Variants in EHMT1 observed in about 807,000 individuals in gnomAD.
The protein encoded by EHMT1 is euchromatic histone lysine methyltransferase 1, also known as histone-lysine N-methyltransferase EHMT1.
Under a neutral mutation model 147.2 loss-of-function variants are expected in EHMT1, and 15 were observed. The observed-to-expected ratio is 0.10, with a 90% CI of 0.07 to 0.16. The LOEUF is 0.16. Among genes scored for constraint, EHMT1 ranks in the 10% least tolerant of loss-of-function variants. EHMT1 has a pLI of 1.00. For synonymous variants in EHMT1, 795 were observed against 709.6 expected, an observed-to-expected ratio of 1.12 and a Z score of -1.91; for missense variants, 1,587 against 1,772.4, an observed-to-expected ratio of 0.90 and a Z score of 1.88.
chr9:137,626,175 A>G (rs1843243075), intron 1 of EHMT1, among the ~76,000 whole-genome samples: 1 of 151,198 alleles, frequency 6.6e-6, no homozygotes, highest in African/African-American at 2.4e-5. Flanking sequence ...CCCAGTTGTT[A>G]TATTTTTATA....
chr9:137,629,971 T>C (rs1589040137), intron 1 of EHMT1, among the ~76,000 whole-genome samples: 2 of 152,206 alleles, frequency 1.3e-5, no homozygotes, highest in African/African-American at 4.8e-5. Flanking sequence ...AAAAAAAATC[T>C]GATGATTTTG....
chr9:137,738,550 C>T (rs1359250844), intron 4 of EHMT1: 2 of 152,158 alleles, frequency 1.3e-5, no homozygotes, highest in African/African-American at 4.8e-5. Flanking sequence ...GCACGTGCCC[C>T]AGCAGCACTG....
chr9:137,706,003 C>G (rs1027597075), intron 1 of EHMT1, among the ~76,000 whole-genome samples: 1 of 144,044 alleles, frequency 6.9e-6, no homozygotes, highest in African/African-American at 2.6e-5. Context: ...TGGAGTGGAC[C>G]TGGACCCTTC....
rs530855365 is a variant in EHMT1 at position 137,815,702 on chromosome 9, C to T, written c.3259-245C>T. 78 of 527,250 alleles carry T rather than the reference C, an allele frequency of 1.5e-4. 1 individual carries two copies. The South Asian group carries it at 1.6e-3, about 11-fold the overall frequency. 32.7% of individuals were successfully genotyped at this position (527,250 alleles called of 1,614,324 possible). A position where few individuals can be genotyped will look rare whatever the true frequency, so the allele number is the denominator to read the frequency against. On this transcript the variant is annotated intron_variant, in intron 22 of 26. Transcript: ENST00000460843. ...AGGCCCTGGGTGGACAGAAGCTGGC[C>T]CCAGGCTGGGCCTAGGGGAGCGCTC...
At chr9:137,720,264 G>T (rs1464556897) in intron 3 of EHMT1, among the ~76,000 whole-genome samples, 2 of 152,128 alleles carry the variant, frequency 1.3e-5, no homozygotes, top group Non-Finnish European at 2.9e-5. Flanking sequence ...ACCTGAACCT[G>T]TGCCAGCCTC....
At chr9:137,751,022 C>T (rs1448468908) in intron 6 of EHMT1, among the ~76,000 whole-genome samples, 1 of 152,174 alleles carries the variant, frequency 6.6e-6, no homozygotes. Context: ...TGCTGCACAA[C>T]TCAGAATATA....
At chr9:137,642,460 C>T (rs543004103) in intron 1 of EHMT1, among the ~76,000 whole-genome samples, 14 of 151,534 alleles carry the variant, frequency 9.2e-5, no homozygotes, top group South Asian at 2.1e-4. Flanking sequence ...CGTACCACAA[C>T]GCCTGACTCA....
chr9:137,744,635 G>T lies in EHMT1; in HGVS notation c.1170+545G>T, dbSNP rs112643798. Among the ~76,000 whole-genome samples, 810 of 152,362 alleles carry T rather than the reference G, an allele frequency of 5.3e-3. 7 individuals are homozygous for T. The highest frequency in any genetic ancestry group is 0.017 in the African/African-American group (712 of 41,588). On this transcript the variant is annotated intron_variant, in intron 6 of 26. Coordinates refer to ENST00000460843, the MANE Select transcript of EHMT1 (RefSeq NM_024757.5). ...GCCCGCCCTCTTGAACTTGTTCTGG[G>T]CTCTAGATTGACAGGAATGATATTG... is the stretch of plus-strand genomic sequence containing the variant.
intron 1 of EHMT1, among the ~76,000 whole-genome samples, chr9:137,697,973 C>A (rs925225148): frequency 1.0e-3 from 147 of 145,742 alleles, no homozygotes; most frequent in African/African-American, 3.6e-3. Context: ...GGAGGCCTCA[C>A]TCCCCACTGT....
intron 4 of EHMT1, among the ~76,000 whole-genome samples, chr9:137,730,697 T>G (rs1030601088): frequency 6.6e-6 from 1 of 152,246 alleles, no homozygotes; most frequent in Non-Finnish European, 1.5e-5. Flanking sequence ...CCCAAGTTTG[T>G]CCAGTGGGGT....
At chr9:137,667,566 C>T (rs2134179762) in intron 1 of EHMT1, 1 of 152,272 alleles carries the variant, frequency 6.6e-6, no homozygotes, top group South Asian at 2.1e-4. Flanking sequence ...GAGGCTGTAG[C>T]TTAAGTAGAC....
chr9:137,783,579 A>G (rs1372835165), intron 15 of EHMT1, among the ~76,000 whole-genome samples: 1 of 152,248 alleles, frequency 6.6e-6, no homozygotes, highest in African/African-American at 2.4e-5. Flanking sequence ...AAAGTAAACT[A>G]CTGAAAAGCT....
intron 13 of EHMT1, among the ~76,000 whole-genome samples, chr9:137,779,317 C>T (rs1421289969): frequency 6.6e-6 from 1 of 152,274 alleles, no homozygotes; most frequent in Non-Finnish European, 1.5e-5. Flanking sequence ...TGAGGTTCCC[C>T]TGCATCCTGC....
At chr9:137,779,569 C>G (rs1951223542) in intron 13 of EHMT1, 66 bp from the exon 14 acceptor site, 2 of 1,579,484 alleles carry the variant, frequency 1.3e-6, no homozygotes, top group African/African-American at 2.7e-5. Context: ...GCCGGGCCTT[C>G]CAGCCTTCAG....
intron 1 of EHMT1, among the ~76,000 whole-genome samples, chr9:137,647,110 C>T (rs1246088103): frequency 1.3e-5 from 2 of 152,120 alleles, no homozygotes; most frequent in Admixed American, 6.6e-5. Context: ...GGTTTCCTGC[C>T]GCCTCCTTCT....
chr9:137,653,253 A>G (rs1938058783), intron 1 of EHMT1, among the ~76,000 whole-genome samples: 2 of 152,260 alleles, frequency 1.3e-5, no homozygotes, highest in South Asian at 4.1e-4. Context: ...TATATATGCA[A>G]ATACTTACCA....
intron 1 of EHMT1, among the ~76,000 whole-genome samples, chr9:137,649,956 C>G (rs923108194): frequency 6.6e-6 from 1 of 152,196 alleles, no homozygotes; most frequent in Non-Finnish European, 1.5e-5. Flanking sequence ...TTACTTCTTA[C>G]AATTGCATGT....
intron 1 of EHMT1, among the ~76,000 whole-genome samples, chr9:137,690,625 A>G (rs1031545641): frequency 6.6e-6 from 1 of 151,826 alleles, no homozygotes; most frequent in African/African-American, 2.4e-5. Context: ...GCTGGAGTGC[A>G]GTGGCGCGAT....
chr9:137,813,281 C>G lies in EHMT1; in HGVS notation c.3036-105C>G, dbSNP rs771616441. 67 of 1,556,662 alleles carry G rather than the reference C, an allele frequency of 4.3e-5. No individual in the cohort carries two copies. The highest frequency in any genetic ancestry group is 5.6e-5 in the Non-Finnish European group (65 of 1,156,784). On this transcript the variant is annotated intron_variant, in intron 20 of 26. Transcript: ENST00000460843. The surrounding 1 kb of genome is among the most constrained non-coding windows in gnomAD (Gnocchi z 4.9). ...GCCGAAACATCCCCAGGCTGCAGTC[C>G]AAATTGTCAGGGCCAGGTGTTTGCC...
Sources: gnomAD v4.1 joint callset for allele counts (sites outside exome capture counted in the v4.1 genomes callset) on GRCh38, gnomAD v4.1.1 for gene constraint, Gnocchi (gnomAD v3.1) non-coding constraint, MANE v1.5 for transcripts, NCBI Gene and HGNC (gene_info 2026-07-23, HGNC 2026-07-21) for gene names.